Variants in RBFOX1 observed in about 807,000 individuals in gnomAD.
The protein encoded by RBFOX1 is RNA binding protein fox-1 homolog 1.
Under a neutral mutation model 57.7 loss-of-function variants are expected in RBFOX1, and 8 were observed. That is an observed-to-expected ratio of 0.14 (90% CI 0.08 to 0.25). RBFOX1 has a LOEUF of 0.25. RBFOX1 is among the 10% of genes least tolerant of loss of function. The pLI is 1.00. For synonymous variants in RBFOX1, 326 were observed against 222.4 expected, an observed-to-expected ratio of 1.47 and a Z score of -4.15; for missense variants, 611 against 548.5, an observed-to-expected ratio of 1.11 and a Z score of -1.14.
At chr16:6,510,977 A>G (rs1359989837) in intron 2 of RBFOX1, among the ~76,000 whole-genome samples, 2 of 152,134 alleles carry the variant, frequency 1.3e-5, no homozygotes, top group African/African-American at 2.4e-5. Context: ...TCTGTCTCCC[A>G]CGGCAGCATC....
At chr16:6,621,833 A>G (rs539501676) in intron 2 of RBFOX1, among the ~76,000 whole-genome samples, 6 of 152,276 alleles carry the variant, frequency 3.9e-5, no homozygotes, top group African/African-American at 1.4e-4. Flanking sequence ...CACACATCAC[A>G]CAAAACCTAT....
intron 4 of RBFOX1, among the ~76,000 whole-genome samples, chr16:7,155,413 A>T (rs1240299642): frequency 6.6e-6 from 1 of 151,214 alleles, no homozygotes; most frequent in Non-Finnish European, 1.5e-5. Context: ...ACATGGAAAA[A>T]CTCCATATCT....
At chr16:6,428,442 T>C (rs2093990905) in intron 2 of RBFOX1, among the ~76,000 whole-genome samples, 1 of 152,120 alleles carries the variant, frequency 6.6e-6, no homozygotes, top group Non-Finnish European at 1.5e-5. Flanking sequence ...GTGTATGTAG[T>C]TTATTTATAT....
At chr16:7,012,766 T>G (rs189402196) in intron 3 of RBFOX1, among the ~76,000 whole-genome samples, 13 of 152,330 alleles carry the variant, frequency 8.5e-5, no homozygotes, top group African/African-American at 2.9e-4. Flanking sequence ...AAGTAATGTT[T>G]CCTTTCAAGT....
chr16:5,409,040 C>T (rs897211334), intron 1 of RBFOX1, among the ~76,000 whole-genome samples: 11 of 152,076 alleles, frequency 7.2e-5, no homozygotes, highest in African/African-American at 1.7e-4. Flanking sequence ...GGCTATCTCA[C>T]GCTGTTGGAA....
At chr16:7,194,542 CATT>C (rs2086212106) in intron 4 of RBFOX1, among the ~76,000 whole-genome samples, 1 of 152,138 alleles carries the variant, frequency 6.6e-6, no homozygotes, top group Admixed American at 6.5e-5. Flanking sequence ...AACAGATACT[CATT>C]ACTAAAACTC....
At position 7,032,471 on chromosome 16, in the gene RBFOX1, T is replaced by TA. The variant is rs769983794; in HGVS notation, c.-15-19581dup. Among the ~76,000 whole-genome samples the TA allele has an allele frequency of 4.0e-5, 6 of 151,874 alleles. No individual in the cohort carries two copies. The South Asian group carries it at 6.2e-4, about 16-fold the overall frequency. On this transcript the variant is annotated intron_variant, in intron 3 of 15. Transcript: ENST00000550418. ...AACAAACAAATAAATAAATAAATAA[T>TA]AAAAATCCCATCTTAATTTTTTAAA...
At chr16:7,221,780 T>C (rs2092750523) in intron 4 of RBFOX1, among the ~76,000 whole-genome samples, 1 of 152,232 alleles carries the variant, frequency 6.6e-6, no homozygotes, top group Admixed American at 6.5e-5. Context: ...TCTACCAGAA[T>C]GGTCTTATCT....
chr16:5,877,933 A>T lies in RBFOX1; in HGVS notation c.351+10598A>T, dbSNP rs181079642. ...GCTGCTTCTGCCCCATCTGTGTTTA[A>T]GCTAGTCCTCAATTTGGTCCAGTGT... On this transcript the variant is annotated intron_variant, in intron 4 of 19. Transcript: ENST00000641259. Among the ~76,000 whole-genome samples, 223 of 152,242 alleles carry T rather than the reference A, an allele frequency of 1.5e-3. 1 individual carries two copies. Among genetic ancestry groups the T allele is most frequent in the Non-Finnish European group, 1.8e-4 (12 of 68,028 alleles).
intron 1 of RBFOX1, among the ~76,000 whole-genome samples, chr16:5,381,542 T>A (rs1567420718): frequency 2.6e-5 from 4 of 152,132 alleles, no homozygotes; most frequent in Admixed American, 6.5e-5. Flanking sequence ...CACTGGGTAG[T>A]GAGGATGAAG....
intron 4 of RBFOX1, among the ~76,000 whole-genome samples, chr16:7,185,719 G>C (rs1207769323): frequency 6.6e-6 from 1 of 152,200 alleles, no homozygotes; most frequent in East Asian, 1.9e-4. Context: ...ACCACTGAAA[G>C]TGGTAAATGA....
chr16:5,554,113 G>C (rs934305380), intron 2 of RBFOX1, among the ~76,000 whole-genome samples: 4 of 151,926 alleles, frequency 2.6e-5, no homozygotes, highest in Non-Finnish European at 5.9e-5. Flanking sequence ...TGGGATTAGA[G>C]GTGGCCACCA....
chr16:6,034,397 T>C (rs1052311030), intron 1 of RBFOX1, among the ~76,000 whole-genome samples: 5 of 150,804 alleles, frequency 3.3e-5, no homozygotes, highest in Non-Finnish European at 7.4e-5. Flanking sequence ...AGAAGTTGTT[T>C]TCTCATAGTT....
intron 1 of RBFOX1, among the ~76,000 whole-genome samples, chr16:6,024,661 G>C (rs1404740866): frequency 2.0e-5 from 3 of 152,096 alleles, no homozygotes; most frequent in East Asian, 1.9e-4. Flanking sequence ...GCTAGTGTTT[G>C]TATTTTTAGT....
chr16:6,521,549 C>T (rs1387761014), intron 2 of RBFOX1, among the ~76,000 whole-genome samples: 1 of 148,618 alleles, frequency 6.7e-6, no homozygotes, highest in East Asian at 2.0e-4. Context: ...CTCTCCTCTC[C>T]TTCCCTCGCT....
At position 7,554,083 on chromosome 16, in the gene RBFOX1, T is replaced by C. The variant is rs1056336247; in HGVS notation, c.271-25694T>C. Among the ~76,000 whole-genome samples, 4 of 152,236 alleles carry C rather than the reference T, an allele frequency of 2.6e-5. 1 individual carries two copies. The South Asian group carries it at 8.3e-4, about 32-fold the overall frequency. The stretch of plus-strand genomic sequence containing the variant: ...ATGATCGGAACACTGCACTCCAGCC[T>C]GGGTGAAAGAGCAAGATCCTGTCTC... On this transcript the variant is annotated intron_variant, in intron 5 of 15. Coordinates refer to ENST00000550418, the MANE Select transcript of RBFOX1 (RefSeq NM_018723.4).
intron 1 of RBFOX1, among the ~76,000 whole-genome samples, chr16:6,051,190 G>A (rs1241300814): frequency 6.6e-6 from 1 of 151,356 alleles, no homozygotes; most frequent in African/African-American, 2.4e-5. Flanking sequence ...ATCATAACCT[G>A]GGTACTAGAG....
At chr16:6,145,430 C>G (rs752552767) in intron 1 of RBFOX1, among the ~76,000 whole-genome samples, 9 of 152,102 alleles carry the variant, frequency 5.9e-5, no homozygotes, top group African/African-American at 1.7e-4. Context: ...TTTATTCCAT[C>G]TGTCATTGAT....
chr16:6,998,260 C>A (rs1443989684), intron 3 of RBFOX1, among the ~76,000 whole-genome samples: 2 of 152,076 alleles, frequency 1.3e-5, no homozygotes, highest in African/African-American at 4.8e-5. Flanking sequence ...TTCCTAAAGC[C>A]TATGGGGTTC....
Sources: allele counts gnomAD v4.1 joint callset (sites outside exome capture counted in the v4.1 genomes callset), GRCh38; gene constraint gnomAD v4.1.1; transcripts MANE v1.5; gene names NCBI Gene and HGNC (gene_info 2026-07-23, HGNC 2026-07-21).